Variants in UBE2G1 observed in about 807,000 individuals in gnomAD.
The protein encoded by UBE2G1 is ubiquitin conjugating enzyme E2 G1.
A neutral mutation model predicts 22.7 loss-of-function variants in UBE2G1; 5 were observed. The ratio of observed to expected loss-of-function variants is 0.22; its 90% CI spans 0.12 to 0.46. The LOEUF (loss-of-function observed/expected upper bound fraction) is 0.46, where lower values mean the gene tolerates loss of function less well. Among genes scored for constraint, UBE2G1 ranks in the 20% least tolerant of loss-of-function variants. The pLI is 0.99. For missense variants in UBE2G1, 88 were observed against 203.9 expected (o/e 0.43, Z 3.46); for synonymous variants, 74 against 67.5 (o/e 1.10, Z -0.47).
chr17:4,334,732 T>G (rs1362307960), intron 1 of UBE2G1, among the ~76,000 whole-genome samples: 1 of 152,072 alleles, frequency 6.6e-6, no homozygotes, highest in Non-Finnish European at 1.5e-5. Flanking sequence ...TAGAGACAGC[T>G]TTCACCATGT....
intron 1 of UBE2G1, among the ~76,000 whole-genome samples, chr17:4,311,731 G>A (rs552089948): frequency 1.1e-4 from 17 of 152,274 alleles, no homozygotes; most frequent in African/African-American, 4.1e-4. Context: ...GCACAACATC[G>A]TGAATACACG....
chr17:4,301,586 TG>T, intron 2 of UBE2G1: 1 of 1,330,596 alleles, frequency 7.5e-7, no homozygotes, highest in Non-Finnish European at 1.1e-6. Flanking sequence ...GTTTCTTTGG[TG>T]GCTTTTTAAA....
At chr17:4,336,638 T>C (rs372352638) in intron 1 of UBE2G1, among the ~76,000 whole-genome samples, 1 of 152,100 alleles carries the variant, frequency 6.6e-6, no homozygotes, top group Admixed American at 6.6e-5. Flanking sequence ...GTGATTCTCC[T>C]GCCTCAGCCT....
At position 4,275,414 on chromosome 17, in the gene UBE2G1, T is replaced by C. The variant is rs1357192458; in HGVS notation, c.*38-2898A>G. ...CGCAGAATTTATGTTTCAATATTAA[T>C]TGAAATTATATCAATTGCACCTGTC... On this transcript the variant is annotated intron_variant, in intron 5 of 5. Coordinates refer to ENST00000396981, the MANE Select transcript of UBE2G1 (RefSeq NM_003342.5). 4.6e-5 allele frequency among the ~76,000 whole-genome samples: 7 copies of C among 152,254 alleles called. No individual in the cohort carries two copies. The South Asian group carries it at 1.0e-3, about 23-fold the overall frequency.
intron 2 of UBE2G1, among the ~76,000 whole-genome samples, chr17:4,303,587 G>A (rs921373574): frequency 6.6e-5 from 10 of 152,108 alleles, no homozygotes; most frequent in Middle Eastern, 3.2e-3. Context: ...TGAACACTAC[G>A]TGATAAACCG....
At chr17:4,278,480 C>T (rs1968847054) in intron 5 of UBE2G1, among the ~76,000 whole-genome samples, 1 of 152,114 alleles carries the variant, frequency 6.6e-6, no homozygotes, top group African/African-American at 2.4e-5. Context: ...GAAATTCTAC[C>T]AATTTGTGTT....
intron 1 of UBE2G1, among the ~76,000 whole-genome samples, chr17:4,328,834 C>T (rs1396195655): frequency 6.6e-6 from 1 of 152,222 alleles, no homozygotes; most frequent in African/African-American, 2.4e-5. Context: ...CGCCTGTAAT[C>T]CCCGCACTTT....
chr17:4,294,877 T>G (rs1969090208), intron 3 of UBE2G1, among the ~76,000 whole-genome samples: 1 of 150,738 alleles, frequency 6.6e-6, no homozygotes, highest in Non-Finnish European at 1.5e-5. Context: ...CACTGCAGCC[T>G]GGGTGGCAGA....
intron 5 of UBE2G1, among the ~76,000 whole-genome samples, chr17:4,273,135 G>GT (rs1968780006): frequency 6.6e-6 from 1 of 152,176 alleles, no homozygotes; most frequent in Non-Finnish European, 1.5e-5. Flanking sequence ...CAGTTAGACT[G>GT]TAAGTCAAGA....
intron 1 of UBE2G1, among the ~76,000 whole-genome samples, chr17:4,355,642 C>CAA (rs57087475): frequency 9.8e-6 from 1 of 101,980 alleles, no homozygotes; most frequent in African/African-American, 3.5e-5. Context: ...AACTCCATCT[C>CAA]AAAAAAAAAA....
chr17:4,333,212 C>T lies in UBE2G1; in HGVS notation c.47-26089G>A, dbSNP rs555879068. Among the ~76,000 whole-genome samples the T allele has an allele frequency of 3.5e-4, 54 of 152,202 alleles. 2 individuals are homozygous for T. Among genetic ancestry groups the T allele is most frequent in the Admixed American group, 3.1e-3 (47 of 15,286 alleles). ...ACGCCAGACCGTAAATTCCACCTATCGCAATATTGAGTAAGTTGCTGGCAT... is the reference window on the plus strand; with the variant it reads ...ACGCCAGACCGTAAATTCCACCTATTGCAATATTGAGTAAGTTGCTGGCAT... On this transcript the variant is annotated intron_variant, in intron 1 of 5. Transcript: ENST00000396981.
At chr17:4,312,564 C>G (rs952101977) in intron 1 of UBE2G1, among the ~76,000 whole-genome samples, 4 of 151,278 alleles carry the variant, frequency 2.6e-5, no homozygotes, top group Non-Finnish European at 5.9e-5. Flanking sequence ...GGCGTGGTGG[C>G]GGGCACCTGT....
chr17:4,329,548 T>C, intron 1 of UBE2G1, among the ~76,000 whole-genome samples: 1 of 151,666 alleles, frequency 6.6e-6, no homozygotes, highest in African/African-American at 2.4e-5. Context: ...AATGAGACTC[T>C]GTCTCAAAAA....
intron 1 of UBE2G1, among the ~76,000 whole-genome samples, chr17:4,328,913 C>T (rs1391650694): frequency 2.0e-5 from 3 of 151,874 alleles, no homozygotes. Context: ...GGTGAAACTC[C>T]GTCTCTACTA....
chr17:4,275,735 G>GT (rs1968813789), intron 5 of UBE2G1, among the ~76,000 whole-genome samples: 1 of 152,146 alleles, frequency 6.6e-6, no homozygotes, highest in Non-Finnish European at 1.5e-5. Context: ...CAATGATCTT[G>GT]TAAGTGAAAA....
intron 2 of UBE2G1, among the ~76,000 whole-genome samples, chr17:4,299,192 A>G (rs1969145309): frequency 6.6e-6 from 1 of 152,238 alleles, no homozygotes; most frequent in Non-Finnish European, 1.5e-5. Flanking sequence ...ATATGTATGC[A>G]CTGCGTCATG....
intron 1 of UBE2G1, among the ~76,000 whole-genome samples, chr17:4,325,944 T>C (rs1969500305): frequency 6.6e-6 from 1 of 152,148 alleles, no homozygotes; most frequent in Admixed American, 6.6e-5. Flanking sequence ...ATTCTTTCCT[T>C]ACATGATATG....
At chr17:4,301,787 A>G (rs916806553) in intron 2 of UBE2G1, 7 of 584,664 alleles carry the variant, frequency 1.2e-5, no homozygotes, top group Non-Finnish European at 2.3e-5. Flanking sequence ...GTTTAAAGAC[A>G]AAGAATTAAA....
At chr17:4,285,866 G>A (rs975355567) in intron 4 of UBE2G1, among the ~76,000 whole-genome samples, 8 of 151,524 alleles carry the variant, frequency 5.3e-5, no homozygotes, top group African/African-American at 1.2e-4. Context: ...CAGGAGGATC[G>A]CTTGAACTTG....
Sources: allele counts gnomAD v4.1 joint callset (sites outside exome capture counted in the v4.1 genomes callset), GRCh38; gene constraint gnomAD v4.1.1; transcripts MANE v1.5; gene names NCBI Gene and HGNC (gene_info 2026-07-23, HGNC 2026-07-21).